The following CRB1 variants were observed in gnomAD, a reference collection of about 807,000 sequenced individuals.
CRB1 encodes crumbs cell polarity complex component 1.
Under a neutral mutation model 120.0 loss-of-function variants are expected in CRB1, and 83 were observed. That is an observed-to-expected ratio of 0.69 (90% CI 0.58 to 0.83). The LOEUF is 0.83. Ranked by LOEUF, CRB1 falls within the 40% of genes least tolerant of loss-of-function variation. The pLI, the probability that CRB1 is intolerant of heterozygous loss-of-function variation, is 0.00. For missense variants in CRB1, 1,699 were observed against 1,687.6 expected, an observed-to-expected ratio of 1.01 and a Z score of -0.12; for synonymous variants, 625 against 612.5, an observed-to-expected ratio of 1.02 and a Z score of -0.30.
chr1:197,355,203 G>C (rs1478241999), intron 4 of CRB1, among the ~76,000 whole-genome samples: 1 of 152,000 alleles, frequency 6.6e-6, no homozygotes, highest in Non-Finnish European at 1.5e-5. Flanking sequence ...GTCCCCACCA[G>C]ATTAGCTAGA....
chr1:197,251,809 T>A, the CRB1 span, among the ~76,000 whole-genome samples: 1 of 152,004 alleles, frequency 6.6e-6, no homozygotes, highest in East Asian at 1.9e-4. Flanking sequence ...ATGTGTGTGT[T>A]TTAAATAATT....
chr1:197,269,746 T>C (rs1031348756), intron 1 of CRB1, among the ~76,000 whole-genome samples: 1 of 152,132 alleles, frequency 6.6e-6, no homozygotes, highest in Non-Finnish European at 1.5e-5. Context: ...GTAATATATA[T>C]GGAAATTCCT....
chr1:197,390,600 C>T (rs1412136682), intron 5 of CRB1, among the ~76,000 whole-genome samples: 1 of 152,068 alleles, frequency 6.6e-6, no homozygotes, highest in Non-Finnish European at 1.5e-5. Flanking sequence ...AGAAGTTACT[C>T]GGTTCCCTTC....
At chr1:197,243,139 T>C in the CRB1 span, among the ~76,000 whole-genome samples, 3 of 152,124 alleles carry the variant, frequency 2.0e-5, no homozygotes, top group African/African-American at 4.8e-5. Context: ...CCTGGATTCA[T>C]TGATTTTTTT....
At position 197,435,492 on chromosome 1, in the gene CRB1, AC is replaced by A. The variant is rs1359621977; in HGVS notation, c.3630del (p.Cys1211ValfsTer5). On this transcript the variant is annotated frameshift_variant, in exon 9 of 12. Transcript: ENST00000367400. LOFTEE classifies it high-confidence loss of function. ...TGTGAGCCTGGATACACTGGTGTGA[AC>A]TGTGAAGTGGATATAGACAACTGCC... ...CTCEPGYTGVNCEVDIDNCQS... is the reference protein window; with the variant it reads ...CTCEPGYTGVXCEVDIDNCQS... The A allele has an allele frequency of 1.2e-6, 2 of 1,608,200 alleles. No homozygotes were observed. Among genetic ancestry groups the A allele is most frequent in the East Asian group, 4.5e-5 (2 of 44,880 alleles).
chr1:197,224,318 TAGAC>T, the CRB1 span, among the ~76,000 whole-genome samples: 1 of 152,158 alleles, frequency 6.6e-6, no homozygotes, highest in African/African-American at 2.4e-5. Context: ...AAAAGAATTT[TAGAC>T]AGAAGCGACT....
At chr1:197,218,333 T>C in the CRB1 span, among the ~76,000 whole-genome samples, 1 of 152,148 alleles carries the variant, frequency 6.6e-6, no homozygotes. Flanking sequence ...AGAGAGTAAT[T>C]TGAGATTGAA....
intron 1 of CRB1, among the ~76,000 whole-genome samples, chr1:197,274,305 T>C (rs1217470067): frequency 6.6e-6 from 1 of 152,124 alleles, no homozygotes; most frequent in African/African-American, 2.4e-5. Flanking sequence ...AGCTGTTTCA[T>C]TTTGTTTTTA....
intron 11 of CRB1, among the ~76,000 whole-genome samples, chr1:197,454,889 A>G (rs894838327): frequency 7.2e-5 from 11 of 152,340 alleles, no homozygotes; most frequent in Non-Finnish European, 1.6e-4. Flanking sequence ...CATGGTAAGC[A>G]ACTAAAATAT....
chr1:197,215,914 A>G, the CRB1 span, among the ~76,000 whole-genome samples: 2 of 152,236 alleles, frequency 1.3e-5, no homozygotes, highest in East Asian at 1.9e-4. Context: ...CTAGGTCTCA[A>G]TTTAATCTAT....
At chr1:197,330,553 TC>T (rs1231651183) in intron 2 of CRB1, among the ~76,000 whole-genome samples, 2 of 152,198 alleles carry the variant, frequency 1.3e-5, no homozygotes, top group Non-Finnish European at 2.9e-5. Context: ...ACAAGTCATT[TC>T]TTTCCCCCTG....
At chr1:197,338,590 T>A (rs144221917) in intron 2 of CRB1, among the ~76,000 whole-genome samples, 1 of 152,284 alleles carries the variant, frequency 6.6e-6, no homozygotes, top group East Asian at 1.9e-4. Context: ...AAACTTTCAC[T>A]GATGGTAAAA....
At chr1:197,473,043 T>A (rs1340802496) in intron 11 of CRB1, among the ~76,000 whole-genome samples, 1 of 152,176 alleles carries the variant, frequency 6.6e-6, no homozygotes, top group Non-Finnish European at 1.5e-5. Flanking sequence ...TGTGGGAAAA[T>A]GGTATATGAG....
At chr1:197,204,755 C>G in the CRB1 span, among the ~76,000 whole-genome samples, 1 of 152,164 alleles carries the variant, frequency 6.6e-6, no homozygotes, top group Non-Finnish European at 1.5e-5. Flanking sequence ...GTTTCTTTTG[C>G]TGTGCAGAAA....
intron 5 of CRB1, among the ~76,000 whole-genome samples, chr1:197,388,656 A>G (rs1237207938): frequency 6.6e-6 from 1 of 152,168 alleles, no homozygotes; most frequent in Non-Finnish European, 1.5e-5. Flanking sequence ...GGAAGAGTTT[A>G]TAATCTAATA....
In CRB1 at chr1:197,268,441, T is replaced by C. The variant is rs201609001; in HGVS notation, c.29T>C (p.Leu10Pro). The C allele has an allele frequency of 2.5e-4, 408 of 1,613,214 alleles. 1 individual carries two copies. Among genetic ancestry groups the C allele is most frequent in the Non-Finnish European group, 1.8e-4 (207 of 1,179,196 alleles). The part of the protein sequence containing the change: MALKNINYL[L>P]IFYLSFSLLI... ...GCACTTAAGAACATTAACTACCTTC[T>C]CATCTTCTACCTCAGTTTCTCACTG... Residue 10 changes from leucine to proline, a missense_variant, in exon 1 of 12, where the codon CTC becomes CCC. Physicochemically the swap from Leu to Pro is moderately conservative, Grantham distance 98. Transcript: ENST00000367400.
intron 1 of CRB1, chr1:197,304,489 G>GCATCTAAATAAACTCCTCTA: frequency 1.6e-6 from 1 of 612,894 alleles, no homozygotes; most frequent in Non-Finnish European, 2.0e-6. Context: ...AAAGTTAGAG[G>GCATCTAAATAAACTCCTCTA]AGTTTATTTA....
At position 197,478,210 on chromosome 1, in the gene CRB1, T is replaced by C; in HGVS notation, c.*331T>C. The C allele has an allele frequency of 3.0e-6, 1 of 336,314 alleles. No individual in the cohort carries two copies. The highest frequency in any genetic ancestry group is 5.7e-6 in the Non-Finnish European group (1 of 176,390). The allele number at this position is 336,314 out of a possible 1,614,324, so 20.8% of individuals were successfully genotyped here. A position where few individuals can be genotyped will look rare whatever the true frequency, so the allele number is the denominator to read the frequency against. ...CTCTTTTCAACCTGGGAACAAATTT[T>C]AGTTTTCATTTTAGGTTTCTGTACT... On this transcript the variant is annotated 3_prime_UTR_variant, in exon 12 of 12. Coordinates refer to ENST00000367400, the MANE Select transcript of CRB1 (RefSeq NM_201253.3).
intron 9 of CRB1, among the ~76,000 whole-genome samples, chr1:197,437,197 C>T (rs1180968248): frequency 6.6e-6 from 1 of 152,086 alleles, no homozygotes; most frequent in African/African-American, 2.4e-5. Flanking sequence ...AGACATTACA[C>T]TAATTCAGAG....
Sources: gnomAD v4.1 joint callset for allele counts (sites outside exome capture counted in the v4.1 genomes callset) on GRCh38, gnomAD v4.1.1 for gene constraint, MANE v1.5 for transcripts, NCBI Gene and HGNC (gene_info 2026-07-23, HGNC 2026-07-21) for gene names.